Variants in COL6A3 observed in about 807,000 individuals in gnomAD.
COL6A3 encodes collagen type VI alpha 3 chain.
In COL6A3, 137 loss-of-function variants were observed where a neutral mutation model predicts 274.1. The ratio of observed to expected loss-of-function variants is 0.50; its 90% CI spans 0.44 to 0.58. COL6A3 has a LOEUF of 0.58. COL6A3 is among the 20% of genes least tolerant of loss of function. COL6A3 has a pLI of 0.00. For missense variants in COL6A3, 3,950 were observed against 4,124.9 expected, an observed-to-expected ratio of 0.96 and a Z score of 1.16; for synonymous variants, 1,650 against 1,650.6, an observed-to-expected ratio of 1.00 and a Z score of 0.01.
At chr2:237,393,857 T>G (rs2078355143) in intron 3 of COL6A3, among the ~76,000 whole-genome samples, 1 of 152,120 alleles carries the variant, frequency 6.6e-6, no homozygotes, top group African/African-American at 2.4e-5. Flanking sequence ...ACATGACACA[T>G]CGATGCAATG....
At chr2:237,408,050 A>C (rs1313157326) in intron 1 of COL6A3, among the ~76,000 whole-genome samples, 4 of 152,200 alleles carry the variant, frequency 2.6e-5, no homozygotes, top group Non-Finnish European at 1.5e-5. Flanking sequence ...AAATGATTAA[A>C]GTGGCTGAAA....
intron 42 of COL6A3, among the ~76,000 whole-genome samples, chr2:237,332,119 G>GTGT (rs1559188465): frequency 3.5e-5 from 1 of 28,244 alleles, no homozygotes; most frequent in African/African-American, 9.6e-5. Context: ...ATATATATAT[G>GTGT]AAAAGAAAAA....
chr2:237,382,172 C>A (rs984824299), intron 4 of COL6A3, among the ~76,000 whole-genome samples: 2 of 152,150 alleles, frequency 1.3e-5, no homozygotes, highest in Admixed American at 1.3e-4. Flanking sequence ...CATCTGAGTT[C>A]AGGAGCTCAA....
Position 237,340,859 on chromosome 2 carries a change from T to C in COL6A3, c.8057A>G (p.Glu2686Gly), listed in dbSNP as rs1259123847. The change falls in exon 38 of 44, where the codon GAA (glutamate) becomes GGA (glycine). Residue 2686 changes from glutamate to glycine, a missense_variant. By Grantham distance (98) the Glu-to-Gly change is moderately conservative. Transcript: ENST00000295550. ...DNASMPPVKV[E>G]FSLTDYGSKE... ...GGAGCCATAGTCAGTCAGGGAGAAT[T>C]CCACCTTCACAGGTGGCATGCTGGC... is the stretch of plus-strand genomic sequence containing the variant. The C allele has an allele frequency of 1.2e-6, 2 of 1,614,016 alleles. No homozygotes were observed. Among genetic ancestry groups the C allele is most frequent in the Non-Finnish European group, 1.7e-6 (2 of 1,179,902 alleles).
intron 20 of COL6A3, 24 bp downstream of exon 20, chr2:237,359,011 G>C: frequency 6.2e-7 from 1 of 1,606,788 alleles, no homozygotes; most frequent in Non-Finnish European, 8.5e-7. Context: ...TTCCATAATA[G>C]CACCACCGTG....
Position 237,361,687 on chromosome 2 carries a change from T to A in COL6A3, c.6156+52A>T. The A allele has an allele frequency of 6.8e-7, 1 of 1,469,664 alleles. No individual in the cohort carries two copies. The highest frequency in any genetic ancestry group is 2.3e-5 in the East Asian group (1 of 44,204). 91.0% of individuals were successfully genotyped at this position (1,469,664 alleles called of 1,614,324 possible). ...GAGAAATTACCCCACCAAAGTAATG[T>A]CGGGCTTCTGACACCTCATCTCAGG... is the stretch of plus-strand genomic sequence containing the variant. On this transcript the variant is annotated intron_variant, in intron 15 of 43. Transcript: ENST00000295550. This position sits in a 1 kb window ranked among gnomAD's most constrained non-coding sequence, Gnocchi z 5.1.
rs768605165 is a variant in COL6A3 at position 237,381,036 on chromosome 2, C to T, written c.1776G>A (p.Leu592=). 9.9e-6 allele frequency: 16 copies of T among 1,614,208 alleles called. No homozygotes were observed. The South Asian group carries it at 1.8e-4, about 18-fold the overall frequency. The change falls in exon 5 of 44, where the codon CTG becomes CTA. Residue 592 remains leucine (L), a synonymous_variant. Transcript: ENST00000295550. ...GGGAGGAGTCGAAAGCGATCTCTTC[C>T]AGCTCAGCCTGATCGGCACCCTTGT... is the stretch of plus-strand genomic sequence containing the variant. ...IGNKGADQAE[L]EEIAFDSSLV...
intron 32 of COL6A3, among the ~76,000 whole-genome samples, chr2:237,345,598 G>C (rs1310658753): frequency 1.3e-5 from 2 of 152,122 alleles, no homozygotes; most frequent in Admixed American, 6.5e-5. Flanking sequence ...AGCTGCCCTG[G>C]CTCCCTCCGT....
At chr2:237,396,293 T>C (rs949801072) in intron 2 of COL6A3, among the ~76,000 whole-genome samples, 3 of 152,244 alleles carry the variant, frequency 2.0e-5, no homozygotes, top group African/African-American at 7.2e-5. Flanking sequence ...AATGCCTTCC[T>C]GCATCTGGAG....
intron 1 of COL6A3, among the ~76,000 whole-genome samples, chr2:237,408,727 C>T (rs1379269489): frequency 6.6e-6 from 1 of 152,166 alleles, no homozygotes; most frequent in Non-Finnish European, 1.5e-5. Context: ...TGGCCACTTG[C>T]AATTCTCAAA....
chr2:237,393,650 G>A (rs527385176), intron 3 of COL6A3, among the ~76,000 whole-genome samples: 81 of 152,250 alleles, frequency 5.3e-4, no homozygotes, highest in African/African-American at 1.9e-3. Flanking sequence ...AACAAGGGGA[G>A]GTCCCTCTGC....
At chr2:237,360,012 TC>T (rs752878679) in intron 17 of COL6A3, 75 bp downstream of exon 17, 8 of 1,480,990 alleles carry the variant, frequency 5.4e-6, no homozygotes, top group Non-Finnish European at 7.5e-6. Flanking sequence ...AGCGCCTCCC[TC>T]CCTGGCAGCA....
chr2:237,408,004 G>T (rs1014172089), intron 1 of COL6A3, among the ~76,000 whole-genome samples: 6 of 152,196 alleles, frequency 3.9e-5, no homozygotes, highest in Non-Finnish European at 1.5e-5. Context: ...GAACTAAGGT[G>T]CTACTGACCT....
In COL6A3 at chr2:237,412,847, C is replaced by T. The variant is rs150098240; in HGVS notation, c.-31+1106G>A. Among the ~76,000 whole-genome samples the T allele has an allele frequency of 1.0e-3, 158 of 152,170 alleles. 7 individuals are homozygous for T. In the East Asian group the frequency reaches 0.028, roughly 27 times the overall value. ...TATGTGGGGAGAGAAGCCAGTCAGCCGGGGCCACAGCCCTGCCTCCCCATC... is the reference window on the plus strand; with the variant it reads ...TATGTGGGGAGAGAAGCCAGTCAGCTGGGGCCACAGCCCTGCCTCCCCATC... On this transcript the variant is annotated intron_variant, in intron 1 of 43. Transcript: ENST00000295550.
At chr2:237,332,107 A>ATATATATATATAT (rs1559188332) in intron 42 of COL6A3, among the ~76,000 whole-genome samples, 1 of 31,756 alleles carries the variant, frequency 3.1e-5, no homozygotes, top group African/African-American at 1.1e-4. Context: ...ATATATATAT[A>ATATATATATATAT]TATATATATA....
intron 24 of COL6A3, among the ~76,000 whole-genome samples, chr2:237,354,307 C>G (rs889500745): frequency 6.9e-6 from 1 of 145,406 alleles, no homozygotes; most frequent in East Asian, 2.0e-4. Context: ...CATCAGCCAC[C>G]GTCCTGGCCA....
In COL6A3 at chr2:237,389,615, A is replaced by T. The variant is rs529498827; in HGVS notation, c.710-1431T>A. Among the ~76,000 whole-genome samples, 23 of 152,336 alleles carry T rather than the reference A, an allele frequency of 1.5e-4. No individual in the cohort carries two copies. The South Asian group carries it at 4.8e-3, about 32-fold the overall frequency. ...AATTGAAGAGTTCTGCTCTAGTGAA[A>T]TTACATTCTTACCCAAGCTCTTCTC... On this transcript the variant is annotated intron_variant, in intron 3 of 43. Coordinates refer to ENST00000295550, the MANE Select transcript of COL6A3 (RefSeq NM_004369.4).
intron 28 of COL6A3, among the ~76,000 whole-genome samples, chr2:237,349,836 C>T (rs1173882183): frequency 6.6e-6 from 1 of 152,190 alleles, no homozygotes; most frequent in Non-Finnish European, 1.5e-5. Context: ...TCTAGTTATG[C>T]TTGCAAAGCA....
Position 237,345,456 on chromosome 2 carries a change from G to C in COL6A3, c.7093-243C>G, listed in dbSNP as rs75846208. Among the ~76,000 whole-genome samples, 4,332 of 152,282 alleles carry C rather than the reference G, an allele frequency of 0.028. 220 individuals carry two copies. The highest frequency in any genetic ancestry group is 0.099 in the African/African-American group (4,093 of 41,530). On this transcript the variant is annotated intron_variant, in intron 32 of 43. Transcript: ENST00000295550. ...GAAATAGTCTCATGTTCTGAAACCA[G>C]GAAGCTCACCACCAATCCATGTAAA...
Sources: gnomAD v4.1 joint callset for allele counts (sites outside exome capture counted in the v4.1 genomes callset) on GRCh38, gnomAD v4.1.1 for gene constraint, Gnocchi (gnomAD v3.1) non-coding constraint, MANE v1.5 for transcripts, NCBI Gene and HGNC (gene_info 2026-07-23, HGNC 2026-07-21) for gene names.